Variants in NRXN3 observed in about 807,000 individuals in gnomAD.
The protein encoded by NRXN3 is neurexin III.
Under a neutral mutation model 137.6 loss-of-function variants are expected in NRXN3, and 32 were observed. That is an observed-to-expected ratio of 0.23 (90% CI 0.18 to 0.31). The LOEUF (loss-of-function observed/expected upper bound fraction) is 0.31. Among genes scored for constraint, NRXN3 ranks in the 10% least tolerant of loss-of-function variants. The pLI, the probability that NRXN3 is intolerant of heterozygous loss-of-function variation, is 1.00. For missense variants in NRXN3, 1,574 were observed against 2,062.5 expected (o/e 0.76, Z 4.59); for synonymous variants, 798 against 784.5 (o/e 1.02, Z -0.29).
At chr14:79,115,726 A>G (rs139221024) in intron 15 of NRXN3, among the ~76,000 whole-genome samples, 1,688 of 152,354 alleles carry the variant, frequency 0.011, 14 homozygotes, top group Non-Finnish European at 0.018. Context: ...TTCGAGAAAG[A>G]AAGCATATTG....
intron 4 of NRXN3, among the ~76,000 whole-genome samples, chr14:78,597,859 C>T (rs1345851038): frequency 2.0e-5 from 3 of 152,168 alleles, no homozygotes; most frequent in Admixed American, 2.0e-4. Flanking sequence ...AGAAGATGCA[C>T]GTGATGACCA....
At chr14:79,532,753 G>A (rs2097180898) in intron 16 of NRXN3, among the ~76,000 whole-genome samples, 1 of 152,096 alleles carries the variant, frequency 6.6e-6, no homozygotes, top group Non-Finnish European at 1.5e-5. Context: ...CCTCAAACGA[G>A]TTATTATTTT....
intron 15 of NRXN3, among the ~76,000 whole-genome samples, chr14:79,255,633 A>G (rs2076474790): frequency 6.6e-6 from 1 of 152,276 alleles, no homozygotes; most frequent in South Asian, 2.1e-4. Flanking sequence ...AATGTTAATT[A>G]TCATCCTTAT....
intron 12 of NRXN3, 74 bp from the exon 13 acceptor site, chr14:78,967,134 C>A: frequency 7.8e-7 from 1 of 1,276,486 alleles, no homozygotes; most frequent in Non-Finnish European, 1.1e-6. Flanking sequence ...CCCACTATGT[C>A]AGTTACACAC....
rs79703367 is a variant in NRXN3 at position 79,217,330 on chromosome 14, C to T, written c.3262+229189C>T. Reference sequence around the variant, plus strand: ...CAGGAGCAAGAGGAGTAGTGGGGTGCCACACTCTCAAACAACCAGATCTCA... The same window carrying T: ...CAGGAGCAAGAGGAGTAGTGGGGTGTCACACTCTCAAACAACCAGATCTCA... On this transcript the variant is annotated intron_variant, in intron 15 of 20. Coordinates refer to ENST00000335750, the MANE Select transcript of NRXN3 (RefSeq NM_001330195.2). Among the ~76,000 whole-genome samples the T allele has an allele frequency of 9.2e-3, 1,395 of 152,042 alleles. 49 individuals carry two copies. In the East Asian group the frequency reaches 0.096, roughly 10 times the overall value.
At chr14:78,229,623 G>T (rs543012161) in intron 1 of NRXN3, among the ~76,000 whole-genome samples, 1 of 152,078 alleles carries the variant, frequency 6.6e-6, no homozygotes, top group African/African-American at 2.4e-5. Flanking sequence ...TCAAATTTCC[G>T]TCTGCTTCCC....
chr14:78,958,890 C>T (rs991205220), intron 11 of NRXN3, among the ~76,000 whole-genome samples: 3 of 152,184 alleles, frequency 2.0e-5, no homozygotes, highest in Non-Finnish European at 4.4e-5. Context: ...ATGGTTTCTT[C>T]TGTGAATAAG....
rs767477075 is a variant in NRXN3, at chr14:78,714,748, C to A, written c.1661-8C>A. On this transcript the variant is annotated splice_polypyrimidine_tract_variant and splice_region_variant and intron_variant, in intron 7 of 20. Coordinates refer to ENST00000335750, the MANE Select transcript of NRXN3 (RefSeq NM_001330195.2). ...CAGACTCACCTGAGATCTGTCTTCCCACCCCAGGTACTATATCAGTGAACA... is the reference window on the plus strand; with the variant it reads ...CAGACTCACCTGAGATCTGTCTTCCAACCCCAGGTACTATATCAGTGAACA... The A allele has an allele frequency of 1.2e-6, 2 of 1,608,184 alleles. No individual in the cohort carries two copies. The highest frequency in any genetic ancestry group is 2.2e-5 in the East Asian group (1 of 44,712).
intron 15 of NRXN3, among the ~76,000 whole-genome samples, chr14:79,350,166 G>C (rs1028539847): frequency 6.6e-6 from 1 of 152,182 alleles, no homozygotes; most frequent in African/African-American, 2.4e-5. Context: ...AAGAAATTCA[G>C]AGCCTAAGCT....
At chr14:78,609,940 C>G (rs1371110477) in intron 4 of NRXN3, among the ~76,000 whole-genome samples, 1 of 151,724 alleles carries the variant, frequency 6.6e-6, no homozygotes, top group Non-Finnish European at 1.5e-5. Context: ...TACCAGCAAA[C>G]AGGGATCCTT....
At chr14:79,062,560 A>G (rs1348758068) in intron 15 of NRXN3, among the ~76,000 whole-genome samples, 1 of 152,092 alleles carries the variant, frequency 6.6e-6, no homozygotes, top group Non-Finnish European at 1.5e-5. Flanking sequence ...GGAGAGATCT[A>G]CTCGTTAGGG....
intron 16 of NRXN3, among the ~76,000 whole-genome samples, chr14:79,596,815 C>T (rs2097863022): frequency 6.6e-6 from 1 of 152,048 alleles, no homozygotes. Context: ...CTGACGTTAG[C>T]CATTAAGCTG....
intron 1 of NRXN3, among the ~76,000 whole-genome samples, chr14:78,220,192 T>C (rs1325635988): frequency 2.6e-5 from 4 of 152,142 alleles, no homozygotes; most frequent in Non-Finnish European, 4.4e-5. Context: ...AGTCAGAGTA[T>C]GTCTGAGTTG....
chr14:78,493,394 G>T (rs1040333869), intron 4 of NRXN3, among the ~76,000 whole-genome samples: 1 of 151,016 alleles, frequency 6.6e-6, no homozygotes, highest in Non-Finnish European at 1.5e-5. Flanking sequence ...ATGGTGGCAC[G>T]TGCCTATAAT....
chr14:79,084,137 C>A (rs1330914970), intron 15 of NRXN3, among the ~76,000 whole-genome samples: 1 of 152,054 alleles, frequency 6.6e-6, no homozygotes, highest in Admixed American at 6.5e-5. Flanking sequence ...TGGTCTCAAA[C>A]TCCTGGCCTT....
At chr14:79,513,265 G>A (rs1453198589) in intron 16 of NRXN3, among the ~76,000 whole-genome samples, 1 of 151,938 alleles carries the variant, frequency 6.6e-6, no homozygotes, top group Non-Finnish European at 1.5e-5. Flanking sequence ...GGCTGATGGA[G>A]TAGGTGTTCA....
At chr14:78,971,455 CAG>C (rs1555628308) in intron 14 of NRXN3, among the ~76,000 whole-genome samples, 2 of 151,008 alleles carry the variant, frequency 1.3e-5, no homozygotes, top group Non-Finnish European at 2.9e-5. Flanking sequence ...CACACACACA[CAG>C]ATAGATAAGT....
intron 15 of NRXN3, among the ~76,000 whole-genome samples, chr14:79,127,533 A>G (rs964311921): frequency 6.6e-6 from 1 of 152,208 alleles, no homozygotes; most frequent in Non-Finnish European, 1.5e-5. Flanking sequence ...CCATTGATCT[A>G]TAACTCTGTT....
chr14:79,493,794 C>G (rs2096740104), intron 16 of NRXN3, among the ~76,000 whole-genome samples: 1 of 152,150 alleles, frequency 6.6e-6, no homozygotes, highest in South Asian at 2.1e-4. Flanking sequence ...TATCATTACT[C>G]AGGTTAATAT....
Sources: gnomAD v4.1 joint callset for allele counts (sites outside exome capture counted in the v4.1 genomes callset) on GRCh38, gnomAD v4.1.1 for gene constraint, MANE v1.5 for transcripts, NCBI Gene and HGNC (gene_info 2026-07-23, HGNC 2026-07-21) for gene names.